The following SGCZ variants were observed in gnomAD, a reference collection of about 807,000 sequenced individuals.
The protein encoded by SGCZ is zeta-sarcoglycan.
A neutral mutation model predicts 41.3 loss-of-function variants in SGCZ; 40 were observed. That is an observed-to-expected ratio of 0.97 (90% CI 0.75 to 1.26). The LOEUF (loss-of-function observed/expected upper bound fraction) is 1.26. Among genes scored for constraint, SGCZ ranks in the 50% most tolerant of loss-of-function variants. The probability of loss-of-function intolerance (pLI) is 0.00; values close to 1 mark genes in which losing one functional copy is unlikely to be tolerated. For synonymous variants in SGCZ, 206 were observed against 137.5 expected (o/e 1.50, Z -3.49); for missense variants, 552 against 369.8 (o/e 1.49, Z -4.04).
intron 1 of SGCZ, among the ~76,000 whole-genome samples, chr8:15,019,057 G>A (rs1003424119): frequency 8.5e-5 from 13 of 152,164 alleles, no homozygotes; most frequent in Non-Finnish European, 1.8e-4. Flanking sequence ...TCACTATCAT[G>A]AGAACAGCAA....
In SGCZ at chr8:14,702,885, AAAGAT is replaced by A. The variant is rs1393790917; in HGVS notation, c.40-147964_40-147960del. Among the ~76,000 whole-genome samples, 53 of 140,850 alleles carry A rather than the reference AAAGAT, an allele frequency of 3.8e-4. 1 individual carries two copies. The highest frequency in any genetic ancestry group is 1.1e-3 in the Admixed American group (15 of 14,036). 92.4% of individuals were successfully genotyped at this position (140,850 alleles called of 152,430 possible). A position where few individuals can be genotyped will look rare whatever the true frequency, so the allele number is the denominator to read the frequency against. On this transcript the variant is annotated intron_variant, in intron 1 of 7. Transcript: ENST00000382080. ...GATAGATAGATAGATAGATAGATAA[AAAGAT>A]AGATAGACAGGCAGACAGGTAGGTA...
rs896127148 is a variant in SGCZ at position 14,618,297 on chromosome 8, G to A, written c.40-63371C>T. Among the ~76,000 whole-genome samples, 6 of 152,138 alleles carry A rather than the reference G, an allele frequency of 3.9e-5. No individual in the cohort carries two copies. The East Asian group carries it at 1.2e-3, about 29-fold the overall frequency. ...AGAGCAGAATTAATTTGGGAGATAGGGGTTGAATAGAGCCCATTGCATTTT... is the reference window on the plus strand; with the variant it reads ...AGAGCAGAATTAATTTGGGAGATAGAGGTTGAATAGAGCCCATTGCATTTT... On this transcript the variant is annotated intron_variant, in intron 1 of 7. Coordinates refer to ENST00000382080, the MANE Select transcript of SGCZ (RefSeq NM_139167.4).
chr8:14,672,774 G>A (rs959500579), intron 1 of SGCZ, among the ~76,000 whole-genome samples: 6 of 152,136 alleles, frequency 3.9e-5, no homozygotes, highest in Non-Finnish European at 7.3e-5. Flanking sequence ...TCATTCTGCT[G>A]TCTCTCCTAG....
At position 14,766,845 on chromosome 8, in the gene SGCZ, TG is replaced by T. The variant is rs1255624085; in HGVS notation, c.40-211920del. ...TGCCCGCCTCGGCCTCCCAAAGTGC[TG>T]GGATTACAGGCATGAGCCACTGTGC... On this transcript the variant is annotated intron_variant, in intron 1 of 7. Coordinates refer to ENST00000382080, the MANE Select transcript of SGCZ (RefSeq NM_139167.4). Among the ~76,000 whole-genome samples the T allele has an allele frequency of 2.0e-5, 3 of 151,498 alleles. No individual in the cohort carries two copies. The East Asian group carries it at 5.8e-4, about 29-fold the overall frequency.
chr8:14,316,550 C>T (rs1018480416), intron 3 of SGCZ, among the ~76,000 whole-genome samples: 1 of 151,996 alleles, frequency 6.6e-6, no homozygotes, highest in African/African-American at 2.4e-5. Flanking sequence ...TTTGTAGTCT[C>T]CATGTTACTT....
rs999333496 is a variant in SGCZ, at chr8:14,237,594, A to G, written c.422T>C (p.Ile141Thr). The change falls in exon 4 of 8, where the codon ATA becomes ACA. Residue 141 changes from isoleucine to threonine, a missense_variant and splice_region_variant. Transcript: ENST00000382080. ...HMGQLTGQLT[I>T]GADAVEAQCK... Reference sequence around the variant, plus strand: ...AATCTTTACCCCAAAACACTCACCTATGGTCAGCTGTCCGGTTAACTGCCC... The same window carrying G: ...AATCTTTACCCCAAAACACTCACCTGTGGTCAGCTGTCCGGTTAACTGCCC... 5 of 1,613,586 alleles carry G rather than the reference A, an allele frequency of 3.1e-6. No homozygotes were observed. The highest frequency in any genetic ancestry group is 1.3e-5 in the African/African-American group (1 of 74,890).
At position 14,539,827 on chromosome 8, in the gene SGCZ, G is replaced by C. The variant is rs78751680; in HGVS notation, c.234+14905C>G. Among the ~76,000 whole-genome samples, 55 of 152,014 alleles carry C rather than the reference G, an allele frequency of 3.6e-4. No individual in the cohort carries two copies. In the East Asian group the frequency reaches 0.01, roughly 29 times the overall value. Reference sequence around the variant, plus strand: ...TTTTCCATTCCTGTTAGTTTGCTAAGGATAATGGCCTCCAGTTCCATACCA... The same window carrying C: ...TTTTCCATTCCTGTTAGTTTGCTAACGATAATGGCCTCCAGTTCCATACCA... On this transcript the variant is annotated intron_variant, in intron 2 of 7. Coordinates refer to ENST00000382080, the MANE Select transcript of SGCZ (RefSeq NM_139167.4).
intron 2 of SGCZ, among the ~76,000 whole-genome samples, chr8:14,404,127 T>C (rs972735362): frequency 6.6e-6 from 1 of 152,132 alleles, no homozygotes; most frequent in African/African-American, 2.4e-5. Context: ...TGGAGATGCA[T>C]TATCTTCAGC....
intron 1 of SGCZ, among the ~76,000 whole-genome samples, chr8:14,989,150 AG>A (rs1331455712): frequency 1.3e-5 from 2 of 152,170 alleles, no homozygotes; most frequent in African/African-American, 4.8e-5. Flanking sequence ...CCAGAGGAGA[AG>A]GGTCTGTGGA....
intron 1 of SGCZ, among the ~76,000 whole-genome samples, chr8:14,963,829 T>C (rs1387069425): frequency 6.6e-6 from 1 of 152,210 alleles, no homozygotes; most frequent in Non-Finnish European, 1.5e-5. Flanking sequence ...GAGAGATCAC[T>C]CATTGCAACC....
chr8:15,089,787 C>G (rs779219362), intron 1 of SGCZ, among the ~76,000 whole-genome samples: 1 of 152,136 alleles, frequency 6.6e-6, no homozygotes, highest in Non-Finnish European at 1.5e-5. Flanking sequence ...TACAGCTTAG[C>G]TACTGGTGTG....
chr8:15,172,238 T>A (rs1456691382), intron 1 of SGCZ, among the ~76,000 whole-genome samples: 3 of 132,736 alleles, frequency 2.3e-5, no homozygotes, highest in Non-Finnish European at 4.6e-5. Flanking sequence ...CTCGACTCAC[T>A]GCAAGCTCCG....
At chr8:14,899,530 G>A (rs552231356) in intron 1 of SGCZ, among the ~76,000 whole-genome samples, 56 of 152,292 alleles carry the variant, frequency 3.7e-4, no homozygotes, top group Non-Finnish European at 6.0e-4. Flanking sequence ...GACTAGGGAG[G>A]TTTGCCAGGC....
chr8:14,245,300 A>T lies in SGCZ; in HGVS notation c.337-7621T>A, dbSNP rs528739776. Among the ~76,000 whole-genome samples, 4 of 152,266 alleles carry T rather than the reference A, an allele frequency of 2.6e-5. No homozygotes were observed. The East Asian group carries it at 7.7e-4, about 29-fold the overall frequency. The stretch of plus-strand genomic sequence containing the variant: ...CTCAGAAATAACGCCGCATATCTAC[A>T]ACTATCTGATCTTTGACAAACCTGA... On this transcript the variant is annotated intron_variant, in intron 3 of 7. Coordinates refer to ENST00000382080, the MANE Select transcript of SGCZ (RefSeq NM_139167.4).
chr8:14,196,772 C>T (rs993052809), intron 4 of SGCZ, among the ~76,000 whole-genome samples: 7 of 152,012 alleles, frequency 4.6e-5, no homozygotes, highest in African/African-American at 1.4e-4. Flanking sequence ...GTGAAAGAAA[C>T]CAGCCGCCAA....
intron 2 of SGCZ, among the ~76,000 whole-genome samples, chr8:14,472,637 T>C (rs1243184134): frequency 6.6e-6 from 1 of 152,118 alleles, no homozygotes; most frequent in Admixed American, 6.5e-5. Context: ...ATTGCAAGGA[T>C]CCTCTTCCAT....
intron 1 of SGCZ, among the ~76,000 whole-genome samples, chr8:14,957,354 TC>T (rs1246294968): frequency 6.6e-6 from 1 of 152,074 alleles, no homozygotes; most frequent in African/African-American, 2.4e-5. Flanking sequence ...TGAAATAGCT[TC>T]AGTGTGCTTG....
In SGCZ at chr8:14,171,314, T is replaced by C. The variant is rs998154103; in HGVS notation, c.425-6612A>G. On this transcript the variant is annotated intron_variant, in intron 4 of 7. Coordinates refer to ENST00000382080, the MANE Select transcript of SGCZ (RefSeq NM_139167.4). Reference sequence around the variant, plus strand: ...GCATTTTCTGATATTTTGTTTCAAATAACATCTTAAAAAGAGATCTTCATG... The same window carrying C: ...GCATTTTCTGATATTTTGTTTCAAACAACATCTTAAAAAGAGATCTTCATG... Among the ~76,000 whole-genome samples, 37 of 152,122 alleles carry C rather than the reference T, an allele frequency of 2.4e-4. 1 individual carries two copies. The highest frequency in any genetic ancestry group is 8.7e-4 in the African/African-American group (36 of 41,556).
intron 3 of SGCZ, among the ~76,000 whole-genome samples, chr8:14,305,739 C>A (rs1801329871): frequency 6.6e-6 from 1 of 152,132 alleles, no homozygotes; most frequent in South Asian, 2.1e-4. Context: ...TTTACTATTC[C>A]TCCAGTCAGT....
Sources: allele counts gnomAD v4.1 joint callset (sites outside exome capture counted in the v4.1 genomes callset), GRCh38; gene constraint gnomAD v4.1.1; transcripts MANE v1.5; gene names NCBI Gene and HGNC (gene_info 2026-07-23, HGNC 2026-07-21).